Variants in C22orf39 observed in about 807,000 individuals in gnomAD.
C22orf39 encodes chromosome 22 open reading frame 39.
Under a neutral mutation model 18.3 loss-of-function variants are expected in C22orf39, and 20 were observed. That is an observed-to-expected ratio of 1.09 (90% CI 0.77 to 1.59). The LOEUF (loss-of-function observed/expected upper bound fraction) is 1.59, where lower values mean the gene tolerates loss of function less well. Ranked by LOEUF, C22orf39 falls within the 40% of genes most tolerant of loss-of-function variation. C22orf39 has a pLI of 0.00. For missense variants in C22orf39, 195 were observed against 156.1 expected, an observed-to-expected ratio of 1.25 and a Z score of -1.33; for synonymous variants, 63 against 59.6, an observed-to-expected ratio of 1.06 and a Z score of -0.26.
chr22:19,445,102 A>G (rs540692622), intron 2 of C22orf39, among the ~76,000 whole-genome samples: 12 of 152,228 alleles, frequency 7.9e-5, no homozygotes, highest in Non-Finnish European at 1.5e-4. Context: ...AAATATTTTG[A>G]TCGTGTTTAA....
At chr22:19,447,596 C>G (rs765290707) in intron 1 of C22orf39, 51 bp from the exon 2 acceptor site, 33 of 1,528,934 alleles carry the variant, frequency 2.2e-5, no homozygotes, top group Non-Finnish European at 2.9e-5. Context: ...CGCCCTACGC[C>G]CCGAGCCAGT....
At position 19,447,393 on chromosome 22, in the gene C22orf39, C is replaced by G; in HGVS notation, c.177G>C (p.Arg59=). Residue 59 remains arginine (R), a synonymous_variant, in exon 2 of 3, where the codon CGG becomes CGC. Coordinates refer to ENST00000399562, the MANE Select transcript of C22orf39 (RefSeq NM_173793.5). The part of the protein sequence containing the change: ...LASCRDWEER[R]NAEAQQSLCE... ...CCCGGCGCACCTGGGCCTCGGCGTT[C>G]CGGCGCTCCTCCCAGTCGCGGCAGC... The G allele has an allele frequency of 6.7e-7, 1 of 1,503,028 alleles. No individual in the cohort carries two copies. Among genetic ancestry groups the G allele is most frequent in the Non-Finnish European group, 8.8e-7 (1 of 1,133,694 alleles). The allele number at this position is 1,503,028 out of a possible 1,614,324, so 93.1% of individuals were successfully genotyped here. A position where few individuals can be genotyped will look rare whatever the true frequency, so the allele number is the denominator to read the frequency against.
rs2089620371 is a variant in C22orf39 at position 19,442,829 on chromosome 22, C to T, written c.*1436G>A. On this transcript the variant is annotated 3_prime_UTR_variant, in exon 3 of 3. Coordinates refer to ENST00000399562, the MANE Select transcript of C22orf39 (RefSeq NM_173793.5). ...TCAAGTGATCCACCCACCTTGGCCTCCCAAAGTGCTGGGATTACAGCAGAC... is the reference window on the plus strand; with the variant it reads ...TCAAGTGATCCACCCACCTTGGCCTTCCAAAGTGCTGGGATTACAGCAGAC... 6.6e-6 allele frequency: 1 copy of T among 152,346 alleles called. No individual in the cohort carries two copies. 9.4% of individuals were successfully genotyped at this position (152,346 alleles called of 1,614,324 possible). A position where few individuals can be genotyped will look rare whatever the true frequency, so the allele number is the denominator to read the frequency against.
rs373255364 is a variant in C22orf39 at position 19,444,363 on chromosome 22, G to A, written c.220C>T (p.Arg74Ter). The A allele has an allele frequency of 1.7e-5, 27 of 1,600,674 alleles. No individual in the cohort carries two copies. The highest frequency in any genetic ancestry group is 4.0e-5 in the African/African-American group (3 of 74,172). Residue 74 changes from arginine to a stop codon, truncating the protein, a stop_gained, in exon 3 of 3, where the codon CGA (arginine) becomes TGA (stop). Coordinates refer to ENST00000399562, the MANE Select transcript of C22orf39 (RefSeq NM_173793.5). LOFTEE classifies it high-confidence loss of function. ...QQSLCESERA[R>*]VRAARKHILV... ...ATGTGCTTCCGTGCAGCCCGGACTC[G>A]TGCCCGCTCGCTCTCACAGAGGGAT...
chr22:19,443,625 G>C lies in C22orf39; in HGVS notation c.*640C>G, dbSNP rs2089625109. On this transcript the variant is annotated 3_prime_UTR_variant, in exon 3 of 3. Transcript: ENST00000399562. Reference sequence around the variant, plus strand: ...GAGTCCACAAACCCTCTTTATGCAAGGTTGTGTGTTCTGTAGCTGTGTGCA... The same window carrying C: ...GAGTCCACAAACCCTCTTTATGCAACGTTGTGTGTTCTGTAGCTGTGTGCA... 3 of 985,360 alleles carry C rather than the reference G, an allele frequency of 3.0e-6. No homozygotes were observed. Among genetic ancestry groups the C allele is most frequent in the South Asian group, 4.7e-5 (1 of 21,278 alleles). The allele number at this position is 985,360 out of a possible 1,614,324, so 61.0% of individuals were successfully genotyped here.
chr22:19,441,857 C>T lies in C22orf39; in HGVS notation c.*2408G>A. 5 of 845,850 alleles carry T rather than the reference C, an allele frequency of 5.9e-6. No homozygotes were observed. Among genetic ancestry groups the T allele is most frequent in the Non-Finnish European group, 8.8e-6 (5 of 569,410 alleles). 52.4% of individuals were successfully genotyped at this position (845,850 alleles called of 1,614,324 possible). ...ACCCAGGTTGAAGTGCAGTGGGGCA[C>T]AATCATGGCTCACTGCAGCCTCAAA... On this transcript the variant is annotated 3_prime_UTR_variant, in exon 3 of 3. Transcript: ENST00000399562.
rs1014894274 is a variant in C22orf39, at chr22:19,441,448, T to C, written c.*2817A>G. ...GTTTTGTATTTCAACAATAATATGCTATATATAACAGTCTATGCCAGATAA... is the reference window on the plus strand; with the variant it reads ...GTTTTGTATTTCAACAATAATATGCCATATATAACAGTCTATGCCAGATAA... On this transcript the variant is annotated 3_prime_UTR_variant, in exon 3 of 3. Transcript: ENST00000399562. 3 of 540,904 alleles carry C rather than the reference T, an allele frequency of 5.5e-6. No individual in the cohort carries two copies. The African/African-American group carries it at 5.8e-5, about 10-fold the overall frequency. 33.5% of individuals were successfully genotyped at this position (540,904 alleles called of 1,614,324 possible).
In C22orf39 at chr22:19,441,501, G is replaced by T; in HGVS notation, c.*2764C>A. 1.7e-6 allele frequency: 1 copy of T among 587,494 alleles called. No homozygotes were observed. Among genetic ancestry groups the T allele is most frequent in the Non-Finnish European group, 3.0e-6 (1 of 331,548 alleles). The allele number at this position is 587,494 out of a possible 1,614,324, so 36.4% of individuals were successfully genotyped here. Reference sequence around the variant, plus strand: ...ATGTAAAATACTTATTATTAATATGGGGTTTTATCCAAAACATTTATTTTT... The same window carrying T: ...ATGTAAAATACTTATTATTAATATGTGGTTTTATCCAAAACATTTATTTTT... On this transcript the variant is annotated 3_prime_UTR_variant, in exon 3 of 3. Transcript: ENST00000399562.
rs561427221 is a variant in C22orf39 at position 19,442,286 on chromosome 22, T to C, written c.*1979A>G. On this transcript the variant is annotated 3_prime_UTR_variant, in exon 3 of 3. Coordinates refer to ENST00000399562, the MANE Select transcript of C22orf39 (RefSeq NM_173793.5). ...TGCAGGAACATCCTGTCCAGAGAGA[T>C]TATCTGTTGATGTGGAACTTGAGTA... is the stretch of plus-strand genomic sequence containing the variant. 6.6e-6 allele frequency: 1 copy of C among 152,354 alleles called. No individual in the cohort carries two copies. Among genetic ancestry groups the C allele is most frequent in the Non-Finnish European group, 1.5e-5 (1 of 68,242 alleles). The allele number at this position is 152,354 out of a possible 1,614,324, so 9.4% of individuals were successfully genotyped here.
Position 19,443,017 on chromosome 22 carries a change from T to C in C22orf39, c.*1248A>G, listed in dbSNP as rs946643430. The C allele has an allele frequency of 5.4e-6, 3 of 550,574 alleles. No individual in the cohort carries two copies. Among genetic ancestry groups the C allele is most frequent in the Non-Finnish European group, 6.9e-6 (3 of 433,018 alleles). The allele number at this position is 550,574 out of a possible 1,614,324, so 34.1% of individuals were successfully genotyped here. A position where few individuals can be genotyped will look rare whatever the true frequency, so the allele number is the denominator to read the frequency against. On this transcript the variant is annotated 3_prime_UTR_variant, in exon 3 of 3. Coordinates refer to ENST00000399562, the MANE Select transcript of C22orf39 (RefSeq NM_173793.5). Reference sequence around the variant, plus strand: ...TGCCTTAGACACATCAGTACTCCCCTGATGATGGGGGAACGCTGGCTCCTC... The same window carrying C: ...TGCCTTAGACACATCAGTACTCCCCCGATGATGGGGGAACGCTGGCTCCTC...
chr22:19,441,790 CATTTT>C lies in C22orf39; in HGVS notation c.*2470_*2474del, dbSNP rs961673486. On this transcript the variant is annotated 3_prime_UTR_variant, in exon 3 of 3. Transcript: ENST00000399562. ...ACCAAACTGCTTCAGAAATTACCAC[CATTTT>C]ATTTTTATTTATTTTGAGACAGGAT... 9.8e-6 allele frequency: 14 copies of C among 1,435,666 alleles called. No individual in the cohort carries two copies. In the African/African-American group the frequency reaches 2.0e-4, roughly 21 times the overall value. The allele number at this position is 1,435,666 out of a possible 1,614,324, so 88.9% of individuals were successfully genotyped here.
Position 19,447,504 on chromosome 22 carries a change from G to A in C22orf39, c.66C>T (p.Leu22=). The part of the protein sequence containing the change: ...PCEAYRAEWK[L]CRSARHFLHH... Reference sequence around the variant, plus strand: ...GTAGGAAGTGCCTGGCGCTGCGGCAGAGCTTCCACTCGGCGCGGTAGGCCT... The same window carrying A: ...GTAGGAAGTGCCTGGCGCTGCGGCAAAGCTTCCACTCGGCGCGGTAGGCCT... Residue 22 remains leucine, a synonymous_variant, in exon 2 of 3, where the codon CTC becomes CTT. Coordinates refer to ENST00000399562, the MANE Select transcript of C22orf39 (RefSeq NM_173793.5). The A allele has an allele frequency of 6.7e-7, 1 of 1,494,688 alleles. No individual in the cohort carries two copies. The highest frequency in any genetic ancestry group is 8.9e-7 in the Non-Finnish European group (1 of 1,128,544). 92.6% of individuals were successfully genotyped at this position (1,494,688 alleles called of 1,614,324 possible).
In C22orf39 at chr22:19,443,187, G is replaced by A. The variant is rs937871146; in HGVS notation, c.*1078C>T. The A allele has an allele frequency of 7.2e-5, 71 of 982,266 alleles. No individual in the cohort carries two copies. Among genetic ancestry groups the A allele is most frequent in the African/African-American group, 2.1e-4 (12 of 56,118 alleles). 60.8% of individuals were successfully genotyped at this position (982,266 alleles called of 1,614,324 possible). A position where few individuals can be genotyped will look rare whatever the true frequency, so the allele number is the denominator to read the frequency against. On this transcript the variant is annotated 3_prime_UTR_variant, in exon 3 of 3. Transcript: ENST00000399562. ...GTTCTTTAATGGACACCCTTCTAAC[G>A]TGATAGATTATTCTGCCCCAAAGAA... is the stretch of plus-strand genomic sequence containing the variant.
rs542387151 is a variant in C22orf39 at position 19,442,357 on chromosome 22, C to G, written c.*1908G>C. ...TGATAGTCACACTACAGAGGCAGGACTTAATGCTTCCTAACAGAGCATGCA... is the reference window on the plus strand; with the variant it reads ...TGATAGTCACACTACAGAGGCAGGAGTTAATGCTTCCTAACAGAGCATGCA... On this transcript the variant is annotated 3_prime_UTR_variant, in exon 3 of 3. Coordinates refer to ENST00000399562, the MANE Select transcript of C22orf39 (RefSeq NM_173793.5). 6.6e-6 allele frequency: 1 copy of G among 152,542 alleles called. No individual in the cohort carries two copies. Among genetic ancestry groups the G allele is most frequent in the East Asian group, 1.9e-4 (1 of 5,188 alleles). 9.4% of individuals were successfully genotyped at this position (152,542 alleles called of 1,614,324 possible).
Position 19,442,094 on chromosome 22 carries a change from G to A in C22orf39, c.*2171C>T, listed in dbSNP as rs9618572. 12,623 of 164,840 alleles carry A rather than the reference G, an allele frequency of 0.077. 1,720 individuals are homozygous for A. Among genetic ancestry groups the A allele is most frequent in the African/African-American group, 0.28 (11,863 of 41,774 alleles). 10.2% of individuals were successfully genotyped at this position (164,840 alleles called of 1,614,324 possible). A position where few individuals can be genotyped will look rare whatever the true frequency, so the allele number is the denominator to read the frequency against. ...CCGTGAGCCACCACATCCAGCCACC[G>A]TTTTAAATTCCTATTTATTGATGTT... On this transcript the variant is annotated 3_prime_UTR_variant, in exon 3 of 3. Transcript: ENST00000399562.
chr22:19,441,473 A>G lies in C22orf39; in HGVS notation c.*2792T>C, dbSNP rs2089612252. On this transcript the variant is annotated 3_prime_UTR_variant, in exon 3 of 3. Coordinates refer to ENST00000399562, the MANE Select transcript of C22orf39 (RefSeq NM_173793.5). ...TATATATAACAGTCTATGCCAGATA[A>G]TAATGTAAAATACTTATTATTAATA... The G allele has an allele frequency of 5.1e-6, 3 of 583,960 alleles. No individual in the cohort carries two copies. The highest frequency in any genetic ancestry group is 9.1e-6 in the Non-Finnish European group (3 of 330,320). 36.2% of individuals were successfully genotyped at this position (583,960 alleles called of 1,614,324 possible). A position where few individuals can be genotyped will look rare whatever the true frequency, so the allele number is the denominator to read the frequency against.
Position 19,444,270 on chromosome 22 carries a change from C to A in C22orf39, c.313G>T (p.Glu105Ter). ...GCCAATGGCAGGGATGCTTGTCACT[C>A]GTCCTTCTCCTGTGGCAGAGGGAGA... ...WHLPLPQEKD[E>*] Residue 105 changes from glutamate (E) to a stop codon, truncating the protein, a stop_gained, in exon 3 of 3, where the codon GAG (glutamate) becomes TAG (stop). Coordinates refer to ENST00000399562, the MANE Select transcript of C22orf39 (RefSeq NM_173793.5). LOFTEE classifies it high-confidence loss of function. 1 of 1,580,772 alleles carries A rather than the reference C, an allele frequency of 6.3e-7. No homozygotes were observed. The highest frequency in any genetic ancestry group is 8.6e-7 in the Non-Finnish European group (1 of 1,168,220).
chr22:19,444,142 C>A lies in C22orf39; in HGVS notation c.*123G>T. The stretch of plus-strand genomic sequence containing the variant: ...GGCTAGCAATGTCCTGCTCCATGTT[C>A]CTGTGAGCAAGAGCTCACAGGGACC... On this transcript the variant is annotated 3_prime_UTR_variant, in exon 3 of 3. Transcript: ENST00000399562. 7.1e-7 allele frequency: 1 copy of A among 1,409,636 alleles called. No individual in the cohort carries two copies. The highest frequency in any genetic ancestry group is 1.7e-5 in the South Asian group (1 of 59,492). The allele number at this position is 1,409,636 out of a possible 1,614,324, so 87.3% of individuals were successfully genotyped here.
intron 2 of C22orf39, 53 bp from the exon 3 acceptor site, chr22:19,444,443 C>A: frequency 6.4e-7 from 1 of 1,552,350 alleles, no homozygotes; most frequent in East Asian, 2.4e-5. Context: ...CCTCAAGACC[C>A]CTGTACCTCC....
Sources: allele counts gnomAD v4.1 joint callset (sites outside exome capture counted in the v4.1 genomes callset), GRCh38; gene constraint gnomAD v4.1.1; transcripts MANE v1.5; gene names NCBI Gene and HGNC (gene_info 2026-07-23, HGNC 2026-07-21).